DLGAP1: variants seen among roughly 807,000 people sequenced by gnomAD.
DLGAP1 encodes DLG associated protein 1.
In DLGAP1, 11 loss-of-function variants were observed where a neutral mutation model predicts 90.8. The ratio of observed to expected loss-of-function variants is 0.12; its 90% confidence interval spans 0.08 to 0.20. The LOEUF (loss-of-function observed/expected upper bound fraction) is 0.20, where lower values mean the gene tolerates loss of function less well. Ranked by LOEUF, DLGAP1 falls within the 10% of genes least tolerant of loss-of-function variation. The pLI, the probability that DLGAP1 is intolerant of heterozygous loss-of-function variation, is 1.00. For synonymous variants in DLGAP1, 558 were observed against 540.7 expected, an observed-to-expected ratio of 1.03 and a Z score of -0.44; for missense variants, 1,050 against 1,333.8, an observed-to-expected ratio of 0.79 and a Z score of 3.31.
At chr18:3,853,450 A>T (rs574963317) in intron 4 of DLGAP1, among the ~76,000 whole-genome samples, 1 of 152,118 alleles carries the variant, frequency 6.6e-6, no homozygotes, top group South Asian at 2.1e-4. Flanking sequence ...ACAAATACTT[A>T]TCATTGTGTT....
At chr18:4,375,842 T>C (rs937645144) in intron 1 of DLGAP1, among the ~76,000 whole-genome samples, 5 of 152,284 alleles carry the variant, frequency 3.3e-5, no homozygotes, top group African/African-American at 9.6e-5. Context: ...GAGTACATCC[T>C]TATTTCCAGT....
At chr18:4,045,274 C>T (rs997580713) in intron 2 of DLGAP1, among the ~76,000 whole-genome samples, 1 of 151,538 alleles carries the variant, frequency 6.6e-6, no homozygotes, top group Non-Finnish European at 1.5e-5. Context: ...AAAGTAGTTT[C>T]ATATGTGCCG....
At chr18:4,047,730 G>A (rs540451510) in intron 2 of DLGAP1, among the ~76,000 whole-genome samples, 1 of 152,332 alleles carries the variant, frequency 6.6e-6, no homozygotes. Flanking sequence ...TATGGTCCAT[G>A]AATCTGCTTA....
chr18:3,696,103 CGAT>C (rs1438485822), intron 7 of DLGAP1, among the ~76,000 whole-genome samples: 1 of 152,170 alleles, frequency 6.6e-6, no homozygotes, highest in Non-Finnish European at 1.5e-5. Flanking sequence ...TGGGCTGAGA[CGAT>C]GGGGTTTTCC....
At chr18:4,092,735 A>G (rs963221741) in intron 2 of DLGAP1, among the ~76,000 whole-genome samples, 5 of 151,926 alleles carry the variant, frequency 3.3e-5, no homozygotes, top group African/African-American at 2.4e-5. Context: ...CTCCAGGCTC[A>G]CACCACCTAG....
At chr18:3,867,159 G>A (rs2070448597) in intron 4 of DLGAP1, among the ~76,000 whole-genome samples, 1 of 152,136 alleles carries the variant, frequency 6.6e-6, no homozygotes, top group Admixed American at 6.5e-5. Flanking sequence ...GCCAGAATCA[G>A]TGTTATTAAC....
At chr18:3,989,227 A>G (rs2073911304) in intron 3 of DLGAP1, among the ~76,000 whole-genome samples, 1 of 152,228 alleles carries the variant, frequency 6.6e-6, no homozygotes, top group Admixed American at 6.5e-5. Context: ...GAGTTGGGAA[A>G]TGGAAACTAT....
At chr18:4,027,029 C>T (rs977084516) in intron 2 of DLGAP1, among the ~76,000 whole-genome samples, 9 of 152,190 alleles carry the variant, frequency 5.9e-5, no homozygotes, top group South Asian at 2.1e-4. Context: ...TACCCTGACT[C>T]TACTGCAGCC....
At chr18:4,058,518 C>A (rs1463012720) in intron 2 of DLGAP1, among the ~76,000 whole-genome samples, 1 of 152,104 alleles carries the variant, frequency 6.6e-6, no homozygotes, top group Non-Finnish European at 1.5e-5. Flanking sequence ...TTTTAAGGGC[C>A]CTGCCTACTT....
At chr18:4,073,230 C>A (rs147518279) in intron 2 of DLGAP1, among the ~76,000 whole-genome samples, 376 of 152,250 alleles carry the variant, frequency 2.5e-3, no homozygotes, top group Admixed American at 0.016. Context: ...GTCTGAGTAA[C>A]CAGGCTCTTA....
At position 3,895,719 on chromosome 18, in the gene DLGAP1, G is replaced by T. The variant is rs554496212; in HGVS notation, c.-72-15579C>A. The T allele has an allele frequency of 7.9e-5, 12 of 152,382 alleles. No homozygotes were observed. The East Asian group carries it at 1.9e-3, about 25-fold the overall frequency. 9.4% of individuals were successfully genotyped at this position (152,382 alleles called of 1,614,324 possible). ...CCACTGTGCTGATGGGGAAGTATTG[G>T]ACCAGCAGTTAATGAAGACTGCTAA... On this transcript the variant is annotated intron_variant, in intron 3 of 12. Transcript: ENST00000315677.
intron 4 of DLGAP1, among the ~76,000 whole-genome samples, chr18:3,828,344 T>C (rs2067835622): frequency 6.6e-6 from 1 of 152,292 alleles, no homozygotes; most frequent in East Asian, 1.9e-4. Flanking sequence ...CAAAACATTT[T>C]TAAAAACAAG....
intron 2 of DLGAP1, among the ~76,000 whole-genome samples, chr18:4,024,053 T>G (rs1417537350): frequency 6.6e-6 from 1 of 152,236 alleles, no homozygotes; most frequent in Non-Finnish European, 1.5e-5. Flanking sequence ...AAATTTCCTA[T>G]TATTTCAAAA....
chr18:4,225,350 CTG>C (rs1047707164), intron 1 of DLGAP1, among the ~76,000 whole-genome samples: 8 of 152,010 alleles, frequency 5.3e-5, no homozygotes, highest in Non-Finnish European at 7.4e-5. Flanking sequence ...CAAGCCCAGA[CTG>C]TGAAAACTAC....
intron 5 of DLGAP1, among the ~76,000 whole-genome samples, chr18:3,798,632 TTGTC>T (rs1269464457): frequency 6.6e-6 from 1 of 152,212 alleles, no homozygotes; most frequent in Admixed American, 6.5e-5. Flanking sequence ...GGTTTTATCG[TTGTC>T]TATTCCCTCT....
chr18:4,441,663 G>A (rs1004994474), intron 1 of DLGAP1, among the ~76,000 whole-genome samples: 5 of 152,050 alleles, frequency 3.3e-5, no homozygotes, highest in East Asian at 1.9e-4. Context: ...AAAGAATTAC[G>A]GAAAAAATAA....
chr18:4,384,083 C>T (rs1480766927), intron 1 of DLGAP1, among the ~76,000 whole-genome samples: 2 of 152,102 alleles, frequency 1.3e-5, no homozygotes, highest in Non-Finnish European at 2.9e-5. Flanking sequence ...ACGAGACTTA[C>T]TCCTAAATTG....
chr18:4,177,047 C>T (rs907286786), intron 1 of DLGAP1, among the ~76,000 whole-genome samples: 3 of 152,088 alleles, frequency 2.0e-5, no homozygotes, highest in Non-Finnish European at 2.9e-5. Context: ...GCAGTTCCAT[C>T]CATCTTTCTG....
intron 1 of DLGAP1, among the ~76,000 whole-genome samples, chr18:4,201,856 A>G (rs2077613731): frequency 1.3e-5 from 2 of 152,220 alleles, no homozygotes; most frequent in South Asian, 4.1e-4. Flanking sequence ...TGAAAAGCGA[A>G]CAGTTATATA....
Sources: gnomAD v4.1 joint callset for allele counts (sites outside exome capture counted in the v4.1 genomes callset) on GRCh38, gnomAD v4.1.1 for gene constraint, MANE v1.5 for transcripts, NCBI Gene and HGNC (gene_info 2026-07-23, HGNC 2026-07-21) for gene names.